The following METTL6 variants were observed in gnomAD, a reference collection of about 807,000 sequenced individuals.
METTL6 encodes the protein methyltransferase 6, tRNA N3-cytidine, also known as tRNA N(3)-cytidine methyltransferase METTL6.
METTL6 carries 22 observed loss-of-function variants against 26.4 expected under a neutral mutation model. The ratio of observed to expected loss-of-function variants is 0.83; its 90% CI spans 0.59 to 1.19. METTL6 has a LOEUF of 1.19. METTL6 is among the 50% of genes most tolerant of loss of function. The pLI is 0.00. For synonymous variants in METTL6, 109 were observed against 116.2 expected, an observed-to-expected ratio of 0.94 and a Z score of 0.40; for missense variants, 304 against 324.8, an observed-to-expected ratio of 0.94 and a Z score of 0.49.
chr3:15,421,361 A>G (rs1226900149), intron 3 of METTL6, among the ~76,000 whole-genome samples: 3 of 152,246 alleles, frequency 2.0e-5, no homozygotes, highest in Non-Finnish European at 2.9e-5. Context: ...CTAGAAGGAC[A>G]AGTCAAACTG....
chr3:15,420,902 C>G (rs1386175764), intron 3 of METTL6, among the ~76,000 whole-genome samples: 1 of 152,166 alleles, frequency 6.6e-6, no homozygotes, highest in African/African-American at 2.4e-5. Flanking sequence ...AATGTTCGTT[C>G]CTATTTAGAT....
At chr3:15,422,756 T>C (rs1333509821) in intron 3 of METTL6, among the ~76,000 whole-genome samples, 2 of 152,186 alleles carry the variant, frequency 1.3e-5, no homozygotes, top group East Asian at 1.9e-4. Flanking sequence ...CCCCACATAT[T>C]GGTTAATGGC....
At chr3:15,415,639 C>T (rs1272310190) in intron 4 of METTL6, 133 bp downstream of exon 4, 4 of 1,603,608 alleles carry the variant, frequency 2.5e-6, no homozygotes, top group Non-Finnish European at 3.4e-6. Context: ...CCTTTCTATA[C>T]ACTCACTACA....
chr3:15,409,266 G>A (rs776274745), downstream of METTL6, among the ~76,000 whole-genome samples: 2 of 152,106 alleles, frequency 1.3e-5, no homozygotes, highest in Non-Finnish European at 2.9e-5. Context: ...GGAGTTGAAG[G>A]GCCCAGGCCT....
chr3:15,412,252 C>T (rs1424749470), intron 5 of METTL6, among the ~76,000 whole-genome samples: 2 of 152,126 alleles, frequency 1.3e-5, no homozygotes, highest in Non-Finnish European at 2.9e-5. Flanking sequence ...GACCTAGCTC[C>T]AGGAAAATCT....
At position 15,415,902 on chromosome 3, in the gene METTL6, TG is replaced by T; in HGVS notation, c.400del (p.Gln134SerfsTer4). 1 of 1,613,822 alleles carries T rather than the reference TG, an allele frequency of 6.2e-7. No individual in the cohort carries two copies. The highest frequency in any genetic ancestry group is 2.2e-5 in the East Asian group (1 of 44,876). Reference sequence around the variant, plus strand: ...AAGATCATCTTTAGTCAGATCACACTGGAATACCTTGCATCTTTCTGTATCA... The same window carrying T: ...AAGATCATCTTTAGTCAGATCACACTGAATACCTTGCATCTTTCTGTATCA... ...LYDTERCKVF[Q>X]CDLTKDDLLD... On this transcript the variant is annotated frameshift_variant, in exon 4 of 6. Transcript: ENST00000383790. LOFTEE classifies it high-confidence loss of function.
rs2124992835 is a variant in METTL6 at position 15,415,678 on chromosome 3, A to T, written c.531+94T>A. The T allele has an allele frequency of 1.9e-6, 3 of 1,596,546 alleles. No homozygotes were observed. In the East Asian group the frequency reaches 6.7e-5, roughly 36 times the overall value. ...CCTACCTAGTGAGAATGGAGAGACT[A>T]TGTGAATCTAGACAGTACATGAGCC... On this transcript the variant is annotated intron_variant, in intron 4 of 5. Transcript: ENST00000383790.
chr3:15,421,282 A>G (rs993006584), intron 3 of METTL6, among the ~76,000 whole-genome samples: 1 of 152,258 alleles, frequency 6.6e-6, no homozygotes, highest in Non-Finnish European at 1.5e-5. Context: ...AATGTGTGAT[A>G]AAACACGATA....
At chr3:15,401,903 C>A (rs989490655) in intron 6 of METTL6, among the ~76,000 whole-genome samples, 1 of 152,172 alleles carries the variant, frequency 6.6e-6, no homozygotes, top group Non-Finnish European at 1.5e-5. Context: ...GTGGGGCAGC[C>A]CATGCCACTA....
At chr3:15,388,548 G>A (rs946568513) in intron 6 of METTL6, among the ~76,000 whole-genome samples, 2 of 152,274 alleles carry the variant, frequency 1.3e-5, no homozygotes, top group East Asian at 3.9e-4. Flanking sequence ...CTGGGTGGGA[G>A]CCACAAGATC....
At chr3:15,420,034 G>C (rs1358683492) in intron 3 of METTL6, among the ~76,000 whole-genome samples, 1 of 151,702 alleles carries the variant, frequency 6.6e-6, no homozygotes, top group Non-Finnish European at 1.5e-5. Context: ...GCTAATTTTT[G>C]TATTTTTAGT....
At chr3:15,390,022 A>T (rs116590451) in intron 6 of METTL6, among the ~76,000 whole-genome samples, 3,343 of 152,140 alleles carry the variant, frequency 0.022, 109 homozygotes, top group African/African-American at 0.075. Context: ...CTCAAGGGAA[A>T]AAAAAAAGAT....
intron 6 of METTL6, among the ~76,000 whole-genome samples, chr3:15,396,660 G>A (rs1699496871): frequency 6.6e-6 from 1 of 152,166 alleles, no homozygotes; most frequent in African/African-American, 2.4e-5. Context: ...ATGTACAGAT[G>A]GGGTTTTGGT....
At chr3:15,420,173 G>A (rs375233219) in intron 3 of METTL6, among the ~76,000 whole-genome samples, 111 of 152,198 alleles carry the variant, frequency 7.3e-4, no homozygotes, top group African/African-American at 2.6e-3. Context: ...AACTGTTAAA[G>A]TATGCTATAT....
chr3:15,392,183 C>T (rs188073428), intron 6 of METTL6, among the ~76,000 whole-genome samples: 2,122 of 152,256 alleles, frequency 0.014, 17 homozygotes, highest in Admixed American at 0.035. Flanking sequence ...TTTTTAATGA[C>T]CGCCATTCTA....
upstream of METTL6, chr3:15,427,636 G>C (rs2061759524): frequency 5.0e-6 from 4 of 797,514 alleles, no homozygotes; most frequent in Admixed American, 9.4e-5. Flanking sequence ...CTTGCTTCTG[G>C]ACCCGGGTGG....
chr3:15,399,796 T>C (rs1460454828), intron 6 of METTL6, among the ~76,000 whole-genome samples: 1 of 152,076 alleles, frequency 6.6e-6, no homozygotes, highest in African/African-American at 2.4e-5. Flanking sequence ...GACTGGAATG[T>C]TGGGGCTCAG....
At chr3:15,404,771 C>T (rs1161790270), downstream of METTL6, among the ~76,000 whole-genome samples, 1 of 152,148 alleles carries the variant, frequency 6.6e-6, no homozygotes, top group East Asian at 1.9e-4. Flanking sequence ...CCTTGAACAC[C>T]TGGCCTCAAG....
intron 3 of METTL6, among the ~76,000 whole-genome samples, chr3:15,420,027 A>G (rs1326060907): frequency 2.0e-5 from 3 of 152,070 alleles, no homozygotes; most frequent in African/African-American, 7.2e-5. Flanking sequence ...ATGCCCGGCT[A>G]ATTTTTGTAT....
Sources: gnomAD v4.1 joint callset for allele counts (sites outside exome capture counted in the v4.1 genomes callset) on GRCh38, gnomAD v4.1.1 for gene constraint, MANE v1.5 for transcripts, NCBI Gene and HGNC (gene_info 2026-07-23, HGNC 2026-07-21) for gene names.